TET1: variants seen among roughly 807,000 people sequenced by gnomAD.
TET1 encodes methylcytosine dioxygenase TET1.
TET1 carries 13 observed loss-of-function variants against 148.7 expected under a neutral mutation model. The observed-to-expected ratio is 0.09, with a 90% CI of 0.06 to 0.14. TET1 has a LOEUF of 0.14. Ranked by LOEUF, TET1 falls within the 10% of genes least tolerant of loss-of-function variation. The probability of loss-of-function intolerance (pLI) is 1.00; values close to 1 mark genes in which losing one functional copy is unlikely to be tolerated. For synonymous variants in TET1, 907 were observed against 937.2 expected (o/e 0.97, Z 0.59); for missense variants, 2,182 against 2,553.8 (o/e 0.85, Z 3.14).
intron 6 of TET1, among the ~76,000 whole-genome samples, chr10:68,661,155 G>C (rs1011459309): frequency 2.0e-5 from 3 of 148,304 alleles, no homozygotes; most frequent in African/African-American, 7.5e-5. Flanking sequence ...TCAGCCTCCC[G>C]AGTAGCTGGG....
intron 3 of TET1, among the ~76,000 whole-genome samples, chr10:68,608,258 C>T (rs747964314): frequency 8.8e-5 from 13 of 147,618 alleles, no homozygotes; most frequent in Admixed American, 2.0e-4. Context: ...TTTATTGAGA[C>T]GGAGTCTCAC....
chr10:68,597,968 TGAG>T (rs1284813389), intron 2 of TET1, among the ~76,000 whole-genome samples: 2 of 151,948 alleles, frequency 1.3e-5, no homozygotes, highest in African/African-American at 2.4e-5. Flanking sequence ...GGAAGGCAAA[TGAG>T]GAGTTATTGT....
intron 7 of TET1, among the ~76,000 whole-genome samples, chr10:68,668,608 T>C (rs796631255): frequency 6.6e-6 from 1 of 152,164 alleles, no homozygotes; most frequent in Non-Finnish European, 1.5e-5. Context: ...TGAGACGGAG[T>C]CTCGCTCTGT....
chr10:68,643,261 C>CAAAAAA (rs59820865), intron 3 of TET1, among the ~76,000 whole-genome samples: 12 of 91,788 alleles, frequency 1.3e-4, no homozygotes, highest in African/African-American at 5.7e-4. Context: ...GACCCTGTCT[C>CAAAAAA]AAAAAAAAAA....
chr10:68,604,155 A>G (rs528799090), intron 3 of TET1, among the ~76,000 whole-genome samples: 29 of 152,336 alleles, frequency 1.9e-4, no homozygotes, highest in African/African-American at 6.0e-4. Flanking sequence ...GTGGTTTGGA[A>G]TTCCTCTTGG....
intron 3 of TET1, among the ~76,000 whole-genome samples, chr10:68,623,783 G>A (rs2054408776): frequency 6.6e-6 from 1 of 152,148 alleles, no homozygotes; most frequent in Non-Finnish European, 1.5e-5. Context: ...GGTCTCACTT[G>A]CAAGACTCAA....
intron 1 of TET1, among the ~76,000 whole-genome samples, chr10:68,572,009 T>TG (rs1243328723): frequency 1.3e-5 from 2 of 151,932 alleles, no homozygotes; most frequent in African/African-American, 4.8e-5. Flanking sequence ...CCTAGCTACT[T>TG]GGGGGGCTGA....
intron 8 of TET1, among the ~76,000 whole-genome samples, chr10:68,680,249 C>G (rs1444640620): frequency 6.6e-6 from 1 of 152,326 alleles, no homozygotes; most frequent in East Asian, 1.9e-4. Flanking sequence ...ATAATGGTCT[C>G]CTTTCTGTGT....
At chr10:68,581,881 C>T (rs1437145104) in intron 2 of TET1, among the ~76,000 whole-genome samples, 2 of 151,826 alleles carry the variant, frequency 1.3e-5, no homozygotes, top group African/African-American at 4.8e-5. Context: ...GACTATATCC[C>T]TGAAGATAGG....
At chr10:68,621,767 A>G (rs2054374963) in intron 3 of TET1, among the ~76,000 whole-genome samples, 1 of 152,180 alleles carries the variant, frequency 6.6e-6, no homozygotes, top group East Asian at 1.9e-4. Context: ...ACAAAGGCTA[A>G]CCTTAGGATT....
At chr10:68,641,663 TA>T (rs943519769) in intron 3 of TET1, among the ~76,000 whole-genome samples, 18 of 24,758 alleles carry the variant, frequency 7.3e-4, no homozygotes, top group African/African-American at 1.4e-3. Flanking sequence ...CCTGCCCGGC[TA>T]ATTTTTTTTT....
At chr10:68,576,533 G>A (rs754860235) in intron 2 of TET1, among the ~76,000 whole-genome samples, 6 of 151,880 alleles carry the variant, frequency 4.0e-5, no homozygotes, top group East Asian at 3.9e-4. Flanking sequence ...GTGATGGCAC[G>A]CTCCTGTAGT....
intron 2 of TET1, among the ~76,000 whole-genome samples, chr10:68,590,416 G>A (rs1337183939): frequency 6.6e-6 from 1 of 152,026 alleles, no homozygotes; most frequent in African/African-American, 2.4e-5. Context: ...ACAGGCATGA[G>A]CCACCACACC....
At position 68,692,559 on chromosome 10, in the gene TET1, A is replaced by T. The variant is rs2055607768; in HGVS notation, c.*745A>T. 1 of 232,366 alleles carries T rather than the reference A, an allele frequency of 4.3e-6. No homozygotes were observed. The highest frequency in any genetic ancestry group is 1.8e-4 in the South Asian group (1 of 5,524). The allele number at this position is 232,366 out of a possible 1,614,324, so 14.4% of individuals were successfully genotyped here. A position where few individuals can be genotyped will look rare whatever the true frequency, so the allele number is the denominator to read the frequency against. ...TGCTGTGTAGAGTTCCATCTTGTTA[A>T]CTGCAGTATGTATTCTAATCATGTA... is the stretch of plus-strand genomic sequence containing the variant. On this transcript the variant is annotated 3_prime_UTR_variant, in exon 12 of 12. Coordinates refer to ENST00000373644, the MANE Select transcript of TET1 (RefSeq NM_030625.3).
intron 2 of TET1, among the ~76,000 whole-genome samples, chr10:68,583,216 GT>G (rs1247761785): frequency 6.6e-6 from 1 of 152,112 alleles, no homozygotes. Context: ...CAGGCTTTTG[GT>G]TTTTTATTCC....
chr10:68,599,803 T>G (rs977413095), intron 2 of TET1, among the ~76,000 whole-genome samples: 5 of 152,200 alleles, frequency 3.3e-5, no homozygotes, highest in African/African-American at 1.2e-4. Context: ...CGAATTTTCC[T>G]TCTCGTAGGG....
intron 6 of TET1, among the ~76,000 whole-genome samples, chr10:68,654,402 G>A (rs1324781606): frequency 6.6e-6 from 1 of 152,094 alleles, no homozygotes; most frequent in Non-Finnish European, 1.5e-5. Flanking sequence ...GATCACCAGA[G>A]GTCAGGAGAT....
chr10:68,562,762 C>T (rs952722256), intron 1 of TET1, among the ~76,000 whole-genome samples: 2 of 152,056 alleles, frequency 1.3e-5, no homozygotes, highest in African/African-American at 4.8e-5. Flanking sequence ...GTTTCTCTTC[C>T]TTCTCCCATC....
At chr10:68,585,533 TTCTTAC>T (rs1486439112) in intron 2 of TET1, among the ~76,000 whole-genome samples, 1 of 152,104 alleles carries the variant, frequency 6.6e-6, no homozygotes, top group Non-Finnish European at 1.5e-5. Context: ...ACATCAGAGG[TTCTTAC>T]TCTGGGTAGG....
Sources: allele counts gnomAD v4.1 joint callset (sites outside exome capture counted in the v4.1 genomes callset), GRCh38; gene constraint gnomAD v4.1.1; transcripts MANE v1.5; gene names NCBI Gene and HGNC (gene_info 2026-07-23, HGNC 2026-07-21).